BMPR1A: variants seen among roughly 807,000 people sequenced by gnomAD.
BMPR1A encodes the protein bone morphogenetic protein receptor type-1A.
Under a neutral mutation model 66.0 loss-of-function variants are expected in BMPR1A, and 7 were observed. The observed-to-expected ratio is 0.11, with a 90% CI of 0.06 to 0.20. The LOEUF is 0.20. BMPR1A is among the 10% of genes least tolerant of loss of function. The pLI, the probability that BMPR1A is intolerant of heterozygous loss-of-function variation, is 1.00. For synonymous variants in BMPR1A, 200 were observed against 229.7 expected (o/e 0.87, Z 1.17); for missense variants, 408 against 669.1 (o/e 0.61, Z 4.31).
intron 2 of BMPR1A, among the ~76,000 whole-genome samples, chr10:86,840,377 A>G (rs1842409461): frequency 6.6e-6 from 1 of 152,036 alleles, no homozygotes; most frequent in South Asian, 2.1e-4. Context: ...TAGAGTTGTG[A>G]TCGTTTTTTT....
In BMPR1A at chr10:86,923,502, A is replaced by G. The variant is rs756222157; in HGVS notation, c.1469A>G (p.Asp490Gly). Reference sequence around the variant, plus strand: ...ATTGTGTCTAATCGGTGGAACAGTGATGAAGTGAGTGGAACTCAGTCCCCT... The same window carrying G: ...ATTGTGTCTAATCGGTGGAACAGTGGTGAAGTGAGTGGAACTCAGTCCCCT... The part of the protein sequence containing the change: ...RPIVSNRWNS[D>G]ECLRAVLKLM... The change falls in exon 12 of 13, where the codon GAT becomes GGT. Residue 490 changes from aspartate (D) to glycine (G), a missense_variant. Asp to Gly is a moderately conservative substitution (Grantham distance 94). Around this residue, in one of 5 missense-constraint regions of BMPR1A, gnomAD observed 130 missense variants for 257.3 expected, o/e 0.51. Coordinates refer to ENST00000372037, the MANE Select transcript of BMPR1A (RefSeq NM_004329.3). 6.2e-7 allele frequency: 1 copy of G among 1,614,236 alleles called. No individual in the cohort carries two copies. The highest frequency in any genetic ancestry group is 1.7e-5 in the Admixed American group (1 of 60,022).
At chr10:86,931,313 A>ATATATTTT (rs368438719), downstream of BMPR1A, 194 of 133,058 alleles carry the variant, frequency 1.5e-3, 9 homozygotes, top group African/African-American at 4.7e-3. Context: ...ATATATATAT[A>ATATATTTT]TTCAAGCAAT....
chr10:86,900,521 A>G (rs1011727124), intron 7 of BMPR1A, among the ~76,000 whole-genome samples: 1 of 152,148 alleles, frequency 6.6e-6, no homozygotes, highest in Admixed American at 6.5e-5. Flanking sequence ...CCAAAAAAGA[A>G]GAGTAATAAG....
chr10:86,829,570 C>T (rs1421340471), intron 1 of BMPR1A, among the ~76,000 whole-genome samples: 3 of 152,198 alleles, frequency 2.0e-5, no homozygotes, highest in African/African-American at 7.2e-5. Context: ...CACCACCAAG[C>T]TCTCCCTTGT....
intron 11 of BMPR1A, among the ~76,000 whole-genome samples, chr10:86,922,323 T>C (rs1001309402): frequency 1.3e-5 from 2 of 152,228 alleles, no homozygotes; most frequent in African/African-American, 4.8e-5. Context: ...CTTAGGTTGC[T>C]TCCACATCTT....
At chr10:86,771,795 T>C (rs1233665254) in intron 1 of BMPR1A, among the ~76,000 whole-genome samples, 1 of 152,168 alleles carries the variant, frequency 6.6e-6, no homozygotes, top group Non-Finnish European at 1.5e-5. Flanking sequence ...TCTCACGCAT[T>C]CCATTCCCCA....
At chr10:86,912,806 TAAAA>T (rs1168280306) in intron 8 of BMPR1A, among the ~76,000 whole-genome samples, 1 of 152,016 alleles carries the variant, frequency 6.6e-6, no homozygotes, top group Non-Finnish European at 1.5e-5. Context: ...GATTCTGAAA[TAAAA>T]AAGAAGTTTC....
Position 86,772,848 on chromosome 10 carries a change from A to C in BMPR1A, c.-268+15929A>C, listed in dbSNP as rs188679474. Among the ~76,000 whole-genome samples, 5 of 152,296 alleles carry C rather than the reference A, an allele frequency of 3.3e-5. No homozygotes were observed. In the East Asian group the frequency reaches 9.6e-4, roughly 29 times the overall value. ...TGCAAAAATAATGCTTACAGAACAA[A>C]TTGAAACACATAGAAAAGCCCTGAG... is the stretch of plus-strand genomic sequence containing the variant. On this transcript the variant is annotated intron_variant, in intron 1 of 12. Transcript: ENST00000372037.
At chr10:86,785,290 TG>T (rs1564683368) in intron 1 of BMPR1A, among the ~76,000 whole-genome samples, 1 of 152,144 alleles carries the variant, frequency 6.6e-6, no homozygotes, top group African/African-American at 2.4e-5. Flanking sequence ...CAGCTAGTGT[TG>T]GGTGTAGTGT....
intron 1 of BMPR1A, among the ~76,000 whole-genome samples, chr10:86,816,727 T>C (rs1436185242): frequency 6.6e-6 from 1 of 152,206 alleles, no homozygotes; most frequent in Non-Finnish European, 1.5e-5. Context: ...CAGAGCCCGA[T>C]ATTTAAGGCT....
At chr10:86,873,921 A>G (rs1482507804) in intron 2 of BMPR1A, among the ~76,000 whole-genome samples, 1 of 152,220 alleles carries the variant, frequency 6.6e-6, no homozygotes, top group African/African-American at 2.4e-5. Context: ...TACATATAAC[A>G]TACACGTGTA....
intron 1 of BMPR1A, among the ~76,000 whole-genome samples, chr10:86,785,587 C>T (rs1841503274): frequency 6.6e-6 from 1 of 152,204 alleles, no homozygotes; most frequent in African/African-American, 2.4e-5. Context: ...TAGGCGTGAG[C>T]CACTGCGCCC....
At chr10:86,838,307 G>T (rs1411558704) in intron 1 of BMPR1A, among the ~76,000 whole-genome samples, 1 of 152,152 alleles carries the variant, frequency 6.6e-6, no homozygotes, top group African/African-American at 2.4e-5. Flanking sequence ...TAAAGGGTAA[G>T]GTGTTAATAG....
upstream of BMPR1A, chr10:86,756,279 C>G (rs967624848): frequency 6.6e-6 from 1 of 152,152 alleles, no homozygotes; most frequent in Non-Finnish European, 1.5e-5. Context: ...CTGCGGGAAG[C>G]TACCCGGGCG....
chr10:86,783,547 C>A (rs371547319), intron 1 of BMPR1A, among the ~76,000 whole-genome samples: 2 of 152,256 alleles, frequency 1.3e-5, no homozygotes, highest in Admixed American at 6.5e-5. Flanking sequence ...GTGTACAAGT[C>A]TTTTGCCTCC....
Position 86,889,863 on chromosome 10 carries a change from C to T in BMPR1A, c.68-199C>T, listed in dbSNP as rs1022360154. The T allele has an allele frequency of 1.1e-5, 7 of 628,306 alleles. 1 individual carries two copies. The highest frequency in any genetic ancestry group is 4.0e-5 in the South Asian group (2 of 50,476). The allele number at this position is 628,306 out of a possible 1,614,324, so 38.9% of individuals were successfully genotyped here. On this transcript the variant is annotated intron_variant, in intron 3 of 12. Coordinates refer to ENST00000372037, the MANE Select transcript of BMPR1A (RefSeq NM_004329.3). The stretch of plus-strand genomic sequence containing the variant: ...GTGATATAGCTGTCTTCATGTACCC[C>T]GCAATACCTGGTGCAGTAATTCTGT...
chr10:86,841,760 T>C (rs1842426755), intron 2 of BMPR1A, among the ~76,000 whole-genome samples: 1 of 152,092 alleles, frequency 6.6e-6, no homozygotes, highest in Non-Finnish European at 1.5e-5. Context: ...GTCAGAACTT[T>C]CAGTTCCCGC....
At chr10:86,816,090 A>G (rs73348039) in intron 1 of BMPR1A, among the ~76,000 whole-genome samples, 2,526 of 152,230 alleles carry the variant, frequency 0.017, 75 homozygotes, top group African/African-American at 0.058. Flanking sequence ...AAGCCATTGA[A>G]ATGTTGGGGT....
intron 2 of BMPR1A, among the ~76,000 whole-genome samples, chr10:86,851,208 A>C (rs1016289399): frequency 6.6e-6 from 1 of 152,166 alleles, no homozygotes; most frequent in East Asian, 1.9e-4. Flanking sequence ...TGTAAGATCT[A>C]GAGATATATT....
Sources: allele counts gnomAD v4.1 joint callset (sites outside exome capture counted in the v4.1 genomes callset), GRCh38; gene constraint gnomAD v4.1.1; regional missense constraint gnomAD v4.1.1; transcripts MANE v1.5; gene names NCBI Gene and HGNC (gene_info 2026-07-23, HGNC 2026-07-21).